The following SPIRE1 variants were observed in gnomAD, a reference collection of about 807,000 sequenced individuals.
The protein encoded by SPIRE1 is spire type actin nucleation factor 1.
A neutral mutation model predicts 94.1 loss-of-function variants in SPIRE1; 40 were observed. That is an observed-to-expected ratio of 0.43 (90% CI 0.33 to 0.55). The LOEUF (loss-of-function observed/expected upper bound fraction) is 0.55. SPIRE1 is among the 20% of genes least tolerant of loss of function. The probability of loss-of-function intolerance (pLI) is 0.06; values close to 1 mark genes in which losing one functional copy is unlikely to be tolerated. For synonymous variants in SPIRE1, 376 were observed against 371.7 expected (o/e 1.01, Z -0.13); for missense variants, 838 against 975.2 (o/e 0.86, Z 1.87).
At chr18:12,450,032 TC>T in intron 16 of SPIRE1, 136 bp from the exon 17 acceptor site, 1 of 955,420 alleles carries the variant, frequency 1.0e-6, no homozygotes, top group South Asian at 1.8e-5. Flanking sequence ...CATATGTCCT[TC>T]TAAAAAAATT....
At chr18:12,560,233 T>C (rs1309498691) in intron 2 of SPIRE1, among the ~76,000 whole-genome samples, 1 of 152,176 alleles carries the variant, frequency 6.6e-6, no homozygotes, top group African/African-American at 2.4e-5. Flanking sequence ...CCCCTCCTAG[T>C]TATATACCCA....
At chr18:12,626,168 C>T (rs1475026771) in intron 2 of SPIRE1, among the ~76,000 whole-genome samples, 1 of 152,136 alleles carries the variant, frequency 6.6e-6, no homozygotes, top group Admixed American at 6.5e-5. Context: ...TGTTATACTC[C>T]GTATAAAGCA....
rs2036397109 is a variant in SPIRE1, at chr18:12,586,606, T to C, written c.373-39702A>G. ...AAACTAACAGTATGCAAATTAAAAA[T>C]AACATCCATTTACAAGTTTATTAGG... On this transcript the variant is annotated intron_variant, in intron 2 of 16. Coordinates refer to ENST00000409402, the MANE Select transcript of SPIRE1 (RefSeq NM_001128626.2). 3.3e-5 allele frequency among the ~76,000 whole-genome samples: 5 copies of C among 152,368 alleles called. No individual in the cohort carries two copies. In the South Asian group the frequency reaches 1.0e-3, roughly 32 times the overall value.
chr18:12,487,158 A>G (rs560130872), intron 8 of SPIRE1, among the ~76,000 whole-genome samples: 32 of 152,216 alleles, frequency 2.1e-4, no homozygotes, highest in Non-Finnish European at 3.2e-4. Flanking sequence ...CGGCCAATTC[A>G]TAAGTTTTAA....
intron 6 of SPIRE1, among the ~76,000 whole-genome samples, chr18:12,505,563 A>AG (rs970334383): frequency 1.3e-5 from 2 of 151,776 alleles, no homozygotes; most frequent in South Asian, 4.2e-4. Context: ...AAAAAAAAAA[A>AG]AAAACAAAAA....
intron 3 of SPIRE1, among the ~76,000 whole-genome samples, chr18:12,545,145 C>T (rs1239064124): frequency 2.0e-5 from 3 of 152,090 alleles, no homozygotes; most frequent in Non-Finnish European, 4.4e-5. Context: ...GTTTAATTGG[C>T]CTTTAAGTGT....
chr18:12,488,259 G>A (rs2033108564), intron 8 of SPIRE1, among the ~76,000 whole-genome samples: 1 of 152,056 alleles, frequency 6.6e-6, no homozygotes, highest in African/African-American at 2.4e-5. Context: ...TAATTTTTTT[G>A]TCACCCCATT....
At chr18:12,555,587 G>C (rs1229450395) in intron 2 of SPIRE1, among the ~76,000 whole-genome samples, 1 of 152,102 alleles carries the variant, frequency 6.6e-6, no homozygotes, top group Non-Finnish European at 1.5e-5. Flanking sequence ...TATTCCAACT[G>C]ATGTTGAAAA....
chr18:12,545,265 G>C (rs763569), intron 3 of SPIRE1, among the ~76,000 whole-genome samples: 2 of 152,152 alleles, frequency 1.3e-5, no homozygotes, highest in Non-Finnish European at 2.9e-5. Flanking sequence ...TTTATGTGTA[G>C]AGCCTGCTGA....
At chr18:12,535,332 C>T (rs1402447196) in intron 4 of SPIRE1, 144 bp downstream of exon 4, 2 of 798,982 alleles carry the variant, frequency 2.5e-6, no homozygotes, top group South Asian at 1.9e-5. Context: ...TCCTAAATGA[C>T]TTTCAGCACT....
chr18:12,509,373 G>C (rs1350360138), intron 5 of SPIRE1, among the ~76,000 whole-genome samples: 1 of 152,134 alleles, frequency 6.6e-6, no homozygotes, highest in Middle Eastern at 3.2e-3. Context: ...GTTTATACTA[G>C]CTGTTTGCTA....
chr18:12,459,032 G>A (rs773022236), intron 12 of SPIRE1, among the ~76,000 whole-genome samples: 5 of 152,286 alleles, frequency 3.3e-5, no homozygotes, highest in Non-Finnish European at 5.9e-5. Flanking sequence ...AGGCTGCTCT[G>A]AGCACCTGCT....
rs562797937 is a variant in SPIRE1 at position 12,599,042 on chromosome 18, C to T, written c.372+36020G>A. Among the ~76,000 whole-genome samples the T allele has an allele frequency of 7.2e-5, 11 of 152,192 alleles. No individual in the cohort carries two copies. In the South Asian group the frequency reaches 1.9e-3, roughly 26 times the overall value. ...TTTATTCACATTTTCTTTCACAAAC[C>T]GCTGGAGAGTAAGTCACAAACTTTA... On this transcript the variant is annotated intron_variant, in intron 2 of 16. Transcript: ENST00000409402.
intron 5 of SPIRE1, among the ~76,000 whole-genome samples, chr18:12,507,425 G>A (rs1002889437): frequency 3.6e-4 from 55 of 152,128 alleles, no homozygotes; most frequent in African/African-American, 1.3e-3. Flanking sequence ...AAGGCTGGGT[G>A]CAATGGGTCA....
chr18:12,640,905 T>C (rs2038066573), intron 1 of SPIRE1, among the ~76,000 whole-genome samples: 1 of 152,144 alleles, frequency 6.6e-6, no homozygotes, highest in African/African-American at 2.4e-5. Context: ...GGCAAGAGGG[T>C]CAGCTGCGTC....
rs1226616758 is a variant in SPIRE1, at chr18:12,546,790, T to C, written c.487A>G (p.Thr163Ala). 2 of 1,614,006 alleles carry C rather than the reference T, an allele frequency of 1.2e-6. No homozygotes were observed. Among genetic ancestry groups the C allele is most frequent in the African/African-American group, 2.7e-5 (2 of 74,912 alleles). ...TCATTGCTACCGTCAGCTTCCACCG[T>C]GTTGGCCATGTGATCGATAAGCTGC... ...LEQLIDHMANTVEADGSNDEG... is the reference protein window; with the variant it reads ...LEQLIDHMANAVEADGSNDEG... Residue 163 changes from threonine (T) to alanine (A), a missense_variant, in exon 3 of 17, where the codon ACG becomes GCG. Around this residue, in one of 2 missense-constraint regions of SPIRE1, gnomAD observed 645 missense variants for 804.7 expected, o/e 0.80. Coordinates refer to ENST00000409402, the MANE Select transcript of SPIRE1 (RefSeq NM_001128626.2).
chr18:12,646,930 GCTACC>G (rs2038243874), intron 1 of SPIRE1, among the ~76,000 whole-genome samples: 1 of 151,826 alleles, frequency 6.6e-6, no homozygotes, highest in Non-Finnish European at 1.5e-5. Flanking sequence ...TGTAATCTCA[GCTACC>G]ATGGAGGCTG....
chr18:12,651,615 A>G (rs1435505804), intron 1 of SPIRE1, among the ~76,000 whole-genome samples: 1 of 152,214 alleles, frequency 6.6e-6, no homozygotes, highest in African/African-American at 2.4e-5. Context: ...CGGAGGCTGC[A>G]GTGAGCCGAG....
At chr18:12,465,085 A>G (rs891919396) in intron 10 of SPIRE1, 127 bp from the exon 11 acceptor site, 2 of 754,594 alleles carry the variant, frequency 2.7e-6, no homozygotes, top group African/African-American at 3.5e-5. Context: ...GTTCAAGGCA[A>G]GCAAAAGACA....
Sources: allele counts gnomAD v4.1 joint callset (sites outside exome capture counted in the v4.1 genomes callset), GRCh38; gene constraint gnomAD v4.1.1; regional missense constraint gnomAD v4.1.1; transcripts MANE v1.5; gene names NCBI Gene and HGNC (gene_info 2026-07-23, HGNC 2026-07-21).